VIPR1: variants seen among roughly 807,000 people sequenced by gnomAD.
VIPR1 encodes the protein vasoactive intestinal polypeptide receptor 1.
A neutral mutation model predicts 58.8 loss-of-function variants in VIPR1; 59 were observed. That is an observed-to-expected ratio of 1.00 (90% CI 0.81 to 1.25). VIPR1 has a LOEUF of 1.25. Among genes scored for constraint, VIPR1 ranks in the 50% most tolerant of loss-of-function variants. The probability of loss-of-function intolerance (pLI) is 0.00; values close to 1 mark genes in which losing one functional copy is unlikely to be tolerated. For synonymous variants in VIPR1, 251 were observed against 242.1 expected, an observed-to-expected ratio of 1.04 and a Z score of -0.34; for missense variants, 626 against 602.7, an observed-to-expected ratio of 1.04 and a Z score of -0.40.
In VIPR1 at chr3:42,515,973, C is replaced by A. The variant is rs541467176; in HGVS notation, c.184+2119C>A. 1.4e-4 allele frequency among the ~76,000 whole-genome samples: 21 copies of A among 152,254 alleles called. No individual in the cohort carries two copies. The South Asian group carries it at 4.2e-3, about 30-fold the overall frequency. ...TCTGTGAGTTGTGTGTCTCTCTGTG[C>A]CCATTTGCTTGTGTCTGTGGTCTGT... On this transcript the variant is annotated intron_variant, in intron 2 of 12. Coordinates refer to ENST00000325123, the MANE Select transcript of VIPR1 (RefSeq NM_004624.4).
intron 10 of VIPR1, chr3:42,533,024 A>G (rs945331082): frequency 1.3e-5 from 2 of 152,530 alleles, no homozygotes; most frequent in African/African-American, 4.8e-5. Context: ...CTGGAGGAAG[A>G]GGCAGGTTTT....
chr3:42,518,176 C>T (rs1284013601), intron 2 of VIPR1, among the ~76,000 whole-genome samples: 2 of 151,970 alleles, frequency 1.3e-5, no homozygotes, highest in Non-Finnish European at 2.9e-5. Context: ...TGTACATATT[C>T]AAGCATAACC....
At chr3:42,523,343 C>T (rs1393598438) in intron 3 of VIPR1, among the ~76,000 whole-genome samples, 2 of 151,844 alleles carry the variant, frequency 1.3e-5, no homozygotes, top group Non-Finnish European at 2.9e-5. Flanking sequence ...ACCCATTGTC[C>T]CCTCCCCTCC....
chr3:42,514,701 G>A (rs1468446860), intron 2 of VIPR1, among the ~76,000 whole-genome samples: 4 of 152,070 alleles, frequency 2.6e-5, no homozygotes, highest in African/African-American at 9.7e-5. Flanking sequence ...GTCAAGGTCA[G>A]CCCCAGGGGC....
At chr3:42,528,310 G>A (rs1701350314) in intron 6 of VIPR1, 187 bp downstream of exon 6, 7 of 723,768 alleles carry the variant, frequency 9.7e-6, no homozygotes, top group Non-Finnish European at 1.2e-5. Flanking sequence ...ACTCCCCTCC[G>A]GCAACAGGAG....
At chr3:42,501,144 G>A (rs1410907362), upstream of VIPR1, among the ~76,000 whole-genome samples, 1 of 152,158 alleles carries the variant, frequency 6.6e-6, no homozygotes, top group Non-Finnish European at 1.5e-5. This position sits in a 1 kb window ranked among gnomAD's most constrained non-coding sequence, Gnocchi z 4.8. Flanking sequence ...AATGCTGGAA[G>A]GGAGGAAGAA....
chr3:42,502,041 G>C (rs570925015), upstream of VIPR1: 7 of 152,268 alleles, frequency 4.6e-5, no homozygotes, highest in Non-Finnish European at 1.0e-4. Flanking sequence ...CCTCTTTCGA[G>C]CCCTCGCTTC....
At position 42,531,863 on chromosome 3, in the gene VIPR1, C is replaced by A; in HGVS notation, c.912C>A (p.Ser304=). ...TCATAAAGGGCCCCATCCTCACCTC[C>A]ATCTTGGTAAGATACCCTCCCACCA... is the stretch of plus-strand genomic sequence containing the variant. ...WWIIKGPILT[S]ILVNFILFIC... The change falls in exon 9 of 13, where the codon TCC becomes TCA. Residue 304 remains serine (S), a synonymous_variant. Transcript: ENST00000325123. 1 of 1,614,178 alleles carries A rather than the reference C, an allele frequency of 6.2e-7. No homozygotes were observed. The highest frequency in any genetic ancestry group is 8.5e-7 in the Non-Finnish European group (1 of 1,180,022).
At chr3:42,503,019 C>T (rs1699941102) in intron 1 of VIPR1, among the ~76,000 whole-genome samples, 1 of 152,242 alleles carries the variant, frequency 6.6e-6, no homozygotes, top group South Asian at 2.1e-4. Context: ...CCCAGTCCCT[C>T]CCAGCGCAGC....
At chr3:42,518,493 C>CT (rs1171647184) in intron 2 of VIPR1, among the ~76,000 whole-genome samples, 1 of 152,200 alleles carries the variant, frequency 6.6e-6, no homozygotes, top group African/African-American at 2.4e-5. Context: ...AATCCCAGCA[C>CT]TTTGGGAGGC....
intron 6 of VIPR1, 56 bp downstream of exon 6, chr3:42,528,179 T>C: frequency 6.3e-7 from 1 of 1,582,424 alleles, no homozygotes; most frequent in African/African-American, 1.3e-5. Flanking sequence ...CTTTAACCAC[T>C]GTAATCTCCT....
chr3:42,518,724 T>C (rs1486086790), intron 2 of VIPR1, among the ~76,000 whole-genome samples: 1 of 121,334 alleles, frequency 8.2e-6, no homozygotes, highest in Admixed American at 8.1e-5. Flanking sequence ...AGAGTGAGAC[T>C]CCATCTCAAA....
In VIPR1 at chr3:42,528,076, T is replaced by G. The variant is rs752488303; in HGVS notation, c.589T>G (p.Leu197Val). 8 of 1,614,032 alleles carry G rather than the reference T, an allele frequency of 5.0e-6. No individual in the cohort carries two copies. The South Asian group carries it at 7.7e-5, about 16-fold the overall frequency. ...LRAAAVFIKD[L>V]ALFDSGESDQ... The stretch of plus-strand genomic sequence containing the variant: ...GGCTGCCGCTGTCTTCATCAAAGAC[T>G]TGGCCCTCTTCGACAGCGGGGAGTC... Residue 197 changes from leucine (L) to valine (V), a missense_variant, in exon 6 of 13, where the codon TTG becomes GTG. Transcript: ENST00000325123.
intron 4 of VIPR1, among the ~76,000 whole-genome samples, chr3:42,526,825 A>G (rs974163809): frequency 2.0e-5 from 3 of 152,060 alleles, no homozygotes; most frequent in Non-Finnish European, 4.4e-5. Context: ...ACCAAGCGAG[A>G]CACCCTCGGG....
At chr3:42,496,280 C>G (rs1279482692) in intron 1 of VIPR1, among the ~76,000 whole-genome samples, 2 of 152,256 alleles carry the variant, frequency 1.3e-5, no homozygotes, top group Non-Finnish European at 1.5e-5. Context: ...CCTCTCTTTG[C>G]AGAGGTAACT....
chr3:42,528,025 C>T lies in VIPR1; in HGVS notation c.538C>T (p.His180Tyr), dbSNP rs907867482. Residue 180 changes from histidine to tyrosine, a missense_variant, in exon 6 of 13, where the codon CAC (histidine) becomes TAC (tyrosine). Coordinates refer to ENST00000325123, the MANE Select transcript of VIPR1 (RefSeq NM_004624.4). ...LHCTRNYIHM[H>Y]LFISFILRAA... ...CTGCACGCGGAACTACATCCACATG[C>T]ACCTCTTCATATCCTTCATCCTGAG... The T allele has an allele frequency of 6.2e-7, 1 of 1,614,090 alleles. No homozygotes were observed. The highest frequency in any genetic ancestry group is 8.5e-7 in the Non-Finnish European group (1 of 1,179,964).
chr3:42,532,449 T>C (rs930312613), intron 10 of VIPR1, 116 bp downstream of exon 10: 1 of 1,136,524 alleles, frequency 8.8e-7, no homozygotes, highest in Non-Finnish European at 1.3e-6. Flanking sequence ...AAGAGCCACA[T>C]TGTTCTTTCC....
rs769438019 is a variant in VIPR1, at chr3:42,536,298, G to C, written c.*17G>C. The C allele has an allele frequency of 2.7e-6, 4 of 1,498,858 alleles. No individual in the cohort carries two copies. Among genetic ancestry groups the C allele is most frequent in the Non-Finnish European group, 3.5e-6 (4 of 1,128,368 alleles). 92.8% of individuals were successfully genotyped at this position (1,498,858 alleles called of 1,614,324 possible). On this transcript the variant is annotated 3_prime_UTR_variant, in exon 13 of 13. Transcript: ENST00000325123. ...CTGGTCTGACCACCAGGATCCCAGGGGCCCAAGGCGGCCCCTCCCGCCCCT... is the reference window on the plus strand; with the variant it reads ...CTGGTCTGACCACCAGGATCCCAGGCGCCCAAGGCGGCCCCTCCCGCCCCT...
chr3:42,536,313 C>G lies in VIPR1; in HGVS notation c.*32C>G, dbSNP rs749042584. On this transcript the variant is annotated 3_prime_UTR_variant, in exon 13 of 13. Transcript: ENST00000325123. The stretch of plus-strand genomic sequence containing the variant: ...GGATCCCAGGGGCCCAAGGCGGCCC[C>G]TCCCGCCCCTTCCCACTCACCCCGG... 1.8e-5 allele frequency: 27 copies of G among 1,483,098 alleles called. No individual in the cohort carries two copies. The East Asian group carries it at 6.2e-4, about 34-fold the overall frequency. 91.9% of individuals were successfully genotyped at this position (1,483,098 alleles called of 1,614,324 possible). A position where few individuals can be genotyped will look rare whatever the true frequency, so the allele number is the denominator to read the frequency against.
Sources: allele counts gnomAD v4.1 joint callset (sites outside exome capture counted in the v4.1 genomes callset), GRCh38; gene constraint gnomAD v4.1.1; non-coding constraint Gnocchi (gnomAD v3.1); transcripts MANE v1.5; gene names NCBI Gene and HGNC (gene_info 2026-07-23, HGNC 2026-07-21).